Variants in OSBPL8 observed in about 807,000 individuals in gnomAD.
The protein encoded by OSBPL8 is oxysterol binding protein like 8.
A neutral mutation model predicts 125.5 loss-of-function variants in OSBPL8; 59 were observed. That is an observed-to-expected ratio of 0.47 (90% CI 0.38 to 0.58). The LOEUF (loss-of-function observed/expected upper bound fraction) is 0.58. Ranked by LOEUF, OSBPL8 falls within the 20% of genes least tolerant of loss-of-function variation. The pLI, the probability that OSBPL8 is intolerant of heterozygous loss-of-function variation, is 0.00. For missense variants in OSBPL8, 758 were observed against 1,047.8 expected (o/e 0.72, Z 3.82); for synonymous variants, 330 against 338.9 (o/e 0.97, Z 0.29).
chr12:76,407,510 A>G (rs1954318476), intron 5 of OSBPL8, among the ~76,000 whole-genome samples: 1 of 152,176 alleles, frequency 6.6e-6, no homozygotes, highest in Non-Finnish European at 1.5e-5. Flanking sequence ...AGCCTCCCCA[A>G]GTGCTGGGAT....
chr12:76,415,788 C>A (rs528997365), intron 4 of OSBPL8, among the ~76,000 whole-genome samples: 6 of 152,158 alleles, frequency 3.9e-5, no homozygotes, highest in South Asian at 2.1e-4. Context: ...TAAAAAAACA[C>A]CTTTTGTCTA....
At chr12:76,518,712 G>A (rs374583770) in intron 1 of OSBPL8, among the ~76,000 whole-genome samples, 1 of 152,166 alleles carries the variant, frequency 6.6e-6, no homozygotes, top group South Asian at 2.1e-4. Context: ...ACACCACATG[G>A]AAGCCACTAA....
intron 1 of OSBPL8, among the ~76,000 whole-genome samples, chr12:76,524,150 G>C (rs1950100032): frequency 6.6e-6 from 1 of 152,070 alleles, no homozygotes; most frequent in Non-Finnish European, 1.5e-5. Flanking sequence ...TTAACAGACT[G>C]TTCTCATAAT....
chr12:76,445,603 A>G (rs909182779), intron 4 of OSBPL8, among the ~76,000 whole-genome samples: 1 of 152,222 alleles, frequency 6.6e-6, no homozygotes. Context: ...AAGATGGCCA[A>G]TGAGCATATG....
chr12:76,357,601 C>T (rs1952033067), intron 22 of OSBPL8, among the ~76,000 whole-genome samples: 1 of 152,170 alleles, frequency 6.6e-6, no homozygotes. Flanking sequence ...GTTCATTCCT[C>T]TAACTACTCT....
intron 4 of OSBPL8, among the ~76,000 whole-genome samples, chr12:76,415,936 T>G (rs1002426030): frequency 1.3e-5 from 2 of 152,114 alleles, no homozygotes; most frequent in African/African-American, 4.8e-5. Flanking sequence ...GTCTTACATT[T>G]ATTATAGTCT....
intron 1 of OSBPL8, among the ~76,000 whole-genome samples, chr12:76,524,437 A>AT (rs572535355): frequency 1.1e-4 from 16 of 151,794 alleles, no homozygotes; most frequent in Non-Finnish European, 1.8e-4. Context: ...GAGCAATTAA[A>AT]TTTTTTTTTA....
chr12:76,448,794 C>G (rs533677178), intron 4 of OSBPL8, among the ~76,000 whole-genome samples: 86 of 152,170 alleles, frequency 5.7e-4, no homozygotes, highest in Non-Finnish European at 1.0e-3. Context: ...GTGGGCGGAT[C>G]ACAAGGTCAA....
intron 1 of OSBPL8, among the ~76,000 whole-genome samples, chr12:76,520,293 T>C (rs533596157): frequency 6.6e-6 from 1 of 152,308 alleles, no homozygotes; most frequent in East Asian, 1.9e-4. Flanking sequence ...TGCAGAGTTC[T>C]TTCTTCCTTG....
intron 1 of OSBPL8, among the ~76,000 whole-genome samples, chr12:76,521,365 G>C (rs1177501196): frequency 1.3e-5 from 2 of 152,128 alleles, no homozygotes; most frequent in Non-Finnish European, 2.9e-5. Flanking sequence ...ATGTAAAATG[G>C]TACAGCCACT....
At chr12:76,365,664 G>T (rs774026857) in intron 21 of OSBPL8, among the ~76,000 whole-genome samples, 1 of 152,102 alleles carries the variant, frequency 6.6e-6, no homozygotes, top group African/African-American at 2.4e-5. Flanking sequence ...GGGAATGTTT[G>T]TCTTGTTCCT....
intron 1 of OSBPL8, among the ~76,000 whole-genome samples, chr12:76,528,015 C>T (rs1390492118): frequency 6.6e-6 from 1 of 152,138 alleles, no homozygotes; most frequent in Non-Finnish European, 1.5e-5. Flanking sequence ...TAGCATTTTA[C>T]CTTCTAATAT....
intron 4 of OSBPL8, among the ~76,000 whole-genome samples, chr12:76,445,203 T>G (rs760666380): frequency 6.6e-6 from 1 of 152,110 alleles, no homozygotes; most frequent in African/African-American, 2.4e-5. Flanking sequence ...AGGCATAAAA[T>G]GATAGAGATC....
intron 8 of OSBPL8, among the ~76,000 whole-genome samples, chr12:76,396,395 G>A (rs1953805175): frequency 6.6e-6 from 1 of 152,102 alleles, no homozygotes; most frequent in African/African-American, 2.4e-5. Context: ...TTCCCTAAAG[G>A]AGAAATTCTA....
At chr12:76,366,428 TTTCTTGC>T (rs1276262284) in intron 21 of OSBPL8, 6 of 280,696 alleles carry the variant, frequency 2.1e-5, no homozygotes, top group African/African-American at 1.3e-4. Context: ...TTGTGTCTTC[TTTCTTGC>T]TTCCTTAGCC....
intron 12 of OSBPL8, among the ~76,000 whole-genome samples, chr12:76,389,340 T>C (rs1217097531): frequency 6.6e-6 from 1 of 152,198 alleles, no homozygotes; most frequent in African/African-American, 2.4e-5. Flanking sequence ...CAATCACCTC[T>C]CTCTCTCTGT....
At chr12:76,447,086 A>G (rs940233752) in intron 4 of OSBPL8, among the ~76,000 whole-genome samples, 1 of 152,236 alleles carries the variant, frequency 6.6e-6, no homozygotes, top group African/African-American at 2.4e-5. Flanking sequence ...ACAGAATTAT[A>G]AAATCACTAT....
intron 6 of OSBPL8, among the ~76,000 whole-genome samples, chr12:76,402,249 A>G (rs1306553057): frequency 1.3e-5 from 2 of 152,186 alleles, no homozygotes; most frequent in African/African-American, 4.8e-5. Flanking sequence ...TATTTCTCAG[A>G]GAAATTGGAA....
chr12:76,423,503 G>A (rs549023485), intron 4 of OSBPL8, among the ~76,000 whole-genome samples: 1 of 152,162 alleles, frequency 6.6e-6, no homozygotes, highest in South Asian at 2.1e-4. Context: ...GTCTATCAAT[G>A]AGTCTTTCCT....
Sources: allele counts gnomAD v4.1 joint callset (sites outside exome capture counted in the v4.1 genomes callset), GRCh38; gene constraint gnomAD v4.1.1; transcripts MANE v1.5; gene names NCBI Gene and HGNC (gene_info 2026-07-23, HGNC 2026-07-21).